The following HECW2 variants were observed in gnomAD, a reference collection of about 807,000 sequenced individuals.
HECW2 encodes E3 ubiquitin-protein ligase HECW2.
A neutral mutation model predicts 175.2 loss-of-function variants in HECW2; 61 were observed. The observed-to-expected ratio is 0.35, with a 90% CI of 0.28 to 0.43. The LOEUF is 0.43. Among genes scored for constraint, HECW2 ranks in the 20% least tolerant of loss-of-function variants. The pLI is 1.00. For missense variants in HECW2, 1,524 were observed against 2,000.5 expected (o/e 0.76, Z 4.54); for synonymous variants, 671 against 731.0 (o/e 0.92, Z 1.32).
intron 1 of HECW2, among the ~76,000 whole-genome samples, chr2:196,452,794 T>TAAAAAAAAAAAAAAAAAAAAAAAAAAAA (rs201131840): frequency 9.5e-6 from 1 of 105,694 alleles, no homozygotes. Flanking sequence ...CCCAAAGCAC[T>TAAAAAAAAAAAAAAAAAAAAAAAAAAAA]AAAAAAAAAA....
At chr2:196,512,319 T>C (rs149878264) in intron 1 of HECW2, among the ~76,000 whole-genome samples, 2 of 152,350 alleles carry the variant, frequency 1.3e-5, no homozygotes, top group African/African-American at 4.8e-5. Flanking sequence ...CCCACCACTT[T>C]GCAACCTTCC....
chr2:196,446,073 C>A (rs1465576127), intron 1 of HECW2, among the ~76,000 whole-genome samples: 1 of 152,210 alleles, frequency 6.6e-6, no homozygotes, highest in East Asian at 1.9e-4. Context: ...TTACAGTGGT[C>A]TAGAAAGCCC....
At chr2:196,466,494 T>C (rs1696959341) in intron 1 of HECW2, among the ~76,000 whole-genome samples, 1 of 152,214 alleles carries the variant, frequency 6.6e-6, no homozygotes, top group South Asian at 2.1e-4. Flanking sequence ...CATCAAATTA[T>C]AGCTTTCCCA....
chr2:196,493,982 C>A (rs571990353), intron 1 of HECW2, among the ~76,000 whole-genome samples: 16 of 152,110 alleles, frequency 1.1e-4, no homozygotes, highest in Admixed American at 2.6e-4. Flanking sequence ...GGATAAATTG[C>A]GCTAGAAACA....
chr2:196,576,401 C>T (rs1019334835), intron 1 of HECW2, among the ~76,000 whole-genome samples: 1 of 152,168 alleles, frequency 6.6e-6, no homozygotes, highest in Non-Finnish European at 1.5e-5. Context: ...GAAGGAAATC[C>T]TGCCATTTGT....
chr2:196,518,654 CAA>C lies in HECW2; in HGVS notation c.-36+74852_-36+74853del, dbSNP rs747681637. Among the ~76,000 whole-genome samples the C allele has an allele frequency of 1.0e-2, 773 of 77,342 alleles. 3 individuals carry two copies. The highest frequency in any genetic ancestry group is 0.026 in the African/African-American group (681 of 26,586). 50.7% of individuals were successfully genotyped at this position (77,342 alleles called of 152,430 possible). A position where few individuals can be genotyped will look rare whatever the true frequency, so the allele number is the denominator to read the frequency against. ...TAGGCAACAGAGCGAGATTCTGTCT[CAA>C]AAAAAAAAAAAAAAAAAAAAAACCC... On this transcript the variant is annotated intron_variant, in intron 1 of 28. Coordinates refer to ENST00000644978, the MANE Select transcript of HECW2 (RefSeq NM_001348768.2).
intron 16 of HECW2, 90 bp from the exon 17 acceptor site, chr2:196,271,379 G>A (rs935936908): frequency 3.2e-5 from 28 of 878,838 alleles, no homozygotes; most frequent in Non-Finnish European, 4.3e-5. Flanking sequence ...GCCCCACCGG[G>A]TTCAAGCAAT....
At chr2:196,389,090 G>C (rs1366088735) in intron 2 of HECW2, among the ~76,000 whole-genome samples, 1 of 152,188 alleles carries the variant, frequency 6.6e-6, no homozygotes, top group African/African-American at 2.4e-5. Flanking sequence ...AGTGCGATCT[G>C]TTGTGGAGTC....
At chr2:196,574,836 C>T (rs1284401957) in intron 1 of HECW2, among the ~76,000 whole-genome samples, 1 of 151,994 alleles carries the variant, frequency 6.6e-6, no homozygotes, top group Non-Finnish European at 1.5e-5. Flanking sequence ...GACATATAGC[C>T]TAACGGAACT....
At chr2:196,365,938 G>T (rs915335354) in intron 2 of HECW2, among the ~76,000 whole-genome samples, 2 of 152,128 alleles carry the variant, frequency 1.3e-5, no homozygotes, top group African/African-American at 4.8e-5. Flanking sequence ...AAACTAGCTG[G>T]ATTTCAAATC....
chr2:196,518,800 C>A (rs1559154525), intron 1 of HECW2, among the ~76,000 whole-genome samples: 2 of 152,100 alleles, frequency 1.3e-5, no homozygotes, highest in Non-Finnish European at 2.9e-5. Flanking sequence ...CTCTTGCCCA[C>A]CTGGGTCTCC....
chr2:196,354,435 A>T (rs1391195071), intron 2 of HECW2, among the ~76,000 whole-genome samples: 1 of 152,228 alleles, frequency 6.6e-6, no homozygotes, highest in Non-Finnish European at 1.5e-5. Context: ...ACACAGTCGC[A>T]GTGGCCCTGG....
intron 2 of HECW2, among the ~76,000 whole-genome samples, chr2:196,383,377 G>T (rs1003220947): frequency 4.6e-5 from 7 of 152,168 alleles, no homozygotes; most frequent in Admixed American, 2.6e-4. Flanking sequence ...GGATGTAAGT[G>T]TATAGGTATT....
intron 15 of HECW2, among the ~76,000 whole-genome samples, chr2:196,278,269 T>A (rs1690052074): frequency 6.7e-6 from 1 of 148,454 alleles, no homozygotes; most frequent in Non-Finnish European, 1.5e-5. Context: ...ATCAACACCC[T>A]CTCACCTTCC....
intron 1 of HECW2, among the ~76,000 whole-genome samples, chr2:196,572,286 G>A (rs1690415760): frequency 1.3e-5 from 2 of 152,114 alleles, no homozygotes; most frequent in South Asian, 2.1e-4. Context: ...GGACTCAAGC[G>A]ATCTTCCCAC....
At chr2:196,540,205 G>A (rs985727681) in intron 1 of HECW2, among the ~76,000 whole-genome samples, 1 of 152,000 alleles carries the variant, frequency 6.6e-6, no homozygotes, top group Non-Finnish European at 1.5e-5. Context: ...ATTTTTGGGG[G>A]AAAAAAGATT....
At chr2:196,322,768 C>T (rs1206243785) in intron 6 of HECW2, 148 bp from the exon 7 acceptor site, 1 of 667,562 alleles carries the variant, frequency 1.5e-6, no homozygotes, top group Non-Finnish European at 2.5e-6. Flanking sequence ...TATTGTCAAT[C>T]CTTTATTCAC....
intron 2 of HECW2, among the ~76,000 whole-genome samples, chr2:196,369,931 C>T (rs1240494576): frequency 6.6e-6 from 1 of 152,052 alleles, no homozygotes; most frequent in African/African-American, 2.4e-5. Context: ...AGTGGGCTCC[C>T]CTCTGGCCCA....
intron 1 of HECW2, among the ~76,000 whole-genome samples, chr2:196,494,720 A>G (rs184783446): frequency 6.6e-6 from 1 of 152,292 alleles, no homozygotes; most frequent in East Asian, 1.9e-4. Context: ...TTCCCAAGAC[A>G]TTTTCTTCAT....
Sources: allele counts gnomAD v4.1 joint callset (sites outside exome capture counted in the v4.1 genomes callset), GRCh38; gene constraint gnomAD v4.1.1; transcripts MANE v1.5; gene names NCBI Gene and HGNC (gene_info 2026-07-23, HGNC 2026-07-21).